Variants in ELL2 observed in about 807,000 individuals in gnomAD.
ELL2 encodes the protein elongation factor for RNA polymerase II 2, also known as RNA polymerase II elongation factor ELL2.
A neutral mutation model predicts 72.8 loss-of-function variants in ELL2; 21 were observed. The observed-to-expected ratio is 0.29, with a 90% CI of 0.20 to 0.42. The LOEUF (loss-of-function observed/expected upper bound fraction) is 0.42, where lower values mean the gene tolerates loss of function less well. ELL2 is among the 10% of genes least tolerant of loss of function. The pLI, the probability that ELL2 is intolerant of heterozygous loss-of-function variation, is 1.00. For synonymous variants in ELL2, 266 were observed against 283.2 expected, an observed-to-expected ratio of 0.94 and a Z score of 0.61; for missense variants, 568 against 772.8, an observed-to-expected ratio of 0.73 and a Z score of 3.14.
rs539470548 is a variant in ELL2 at position 95,895,428 on chromosome 5, G to C, written c.1589+200C>G. On this transcript the variant is annotated intron_variant, in intron 9 of 11. Transcript: ENST00000237853. ...AAGGCCAACGAATACAGCTCAGAGC[G>C]GGGGGAGGCACAACCTGCTCATGCA... Among the ~76,000 whole-genome samples the C allele has an allele frequency of 1.7e-4, 26 of 152,250 alleles. No homozygotes were observed. In the East Asian group the frequency reaches 2.5e-3, roughly 15 times the overall value.
intron 2 of ELL2, among the ~76,000 whole-genome samples, chr5:95,929,291 C>T (rs1168551076): frequency 6.6e-6 from 1 of 150,676 alleles, no homozygotes; most frequent in Non-Finnish European, 1.5e-5. Context: ...CAGAGTCTCG[C>T]TCTGTCGCCC....
chr5:95,900,636 C>T (rs532212323), intron 7 of ELL2, 57 bp downstream of exon 7: 1 of 1,279,762 alleles, frequency 7.8e-7, no homozygotes, highest in African/African-American at 1.5e-5. Flanking sequence ...ATCAGAGGAC[C>T]TGATTAGAGG....
At chr5:95,937,882 T>A (rs1037561261) in intron 2 of ELL2, among the ~76,000 whole-genome samples, 1 of 152,070 alleles carries the variant, frequency 6.6e-6, no homozygotes, top group African/African-American at 2.4e-5. Context: ...AGGGAAGGCA[T>A]ATTATCTAAG....
intron 2 of ELL2, among the ~76,000 whole-genome samples, chr5:95,920,932 TG>T (rs1750051341): frequency 6.6e-6 from 1 of 152,192 alleles, no homozygotes; most frequent in African/African-American, 2.4e-5. Context: ...ACTAACTTGC[TG>T]CTTAGCGTGT....
chr5:95,906,383 T>C, intron 5 of ELL2, 140 bp downstream of exon 5: 2 of 771,218 alleles, frequency 2.6e-6, no homozygotes, highest in Non-Finnish European at 1.9e-6. Flanking sequence ...ATTCAGGAGT[T>C]GTATTTCACA....
At chr5:95,889,013 A>T in intron 11 of ELL2, 26 bp from the exon 12 acceptor site, 1 of 1,557,234 alleles carries the variant, frequency 6.4e-7, no homozygotes, top group Non-Finnish European at 8.7e-7. Context: ...AAAAAAAAAA[A>T]AGAGGAATGA....
chr5:95,940,971 A>AG (rs1037608766), intron 2 of ELL2, among the ~76,000 whole-genome samples: 6 of 151,916 alleles, frequency 3.9e-5, no homozygotes, highest in Non-Finnish European at 5.9e-5. Context: ...TGCAAAAAGA[A>AG]GGGGGGGAGG....
chr5:95,923,012 A>C (rs971977473), intron 2 of ELL2, among the ~76,000 whole-genome samples: 1 of 152,204 alleles, frequency 6.6e-6, no homozygotes, highest in Non-Finnish European at 1.5e-5. Flanking sequence ...CATTCCCTCC[A>C]ATTACGCAGT....
At chr5:95,925,819 C>G (rs891355750) in intron 2 of ELL2, among the ~76,000 whole-genome samples, 1 of 152,142 alleles carries the variant, frequency 6.6e-6, no homozygotes, top group Non-Finnish European at 1.5e-5. Context: ...ACCTCCCCTC[C>G]GGCATCCCAG....
At chr5:95,914,601 C>G (rs973652436) in intron 3 of ELL2, among the ~76,000 whole-genome samples, 1 of 152,074 alleles carries the variant, frequency 6.6e-6, no homozygotes, top group Non-Finnish European at 1.5e-5. Flanking sequence ...TCCCTGTAAT[C>G]CCAACACTTT....
rs35628427 is a variant in ELL2, at chr5:95,903,208, CTTTTTTTTTTTTTTT to C, written c.742-2143_742-2129del. ...TCCTGGTTTCCGCCTCTCTTAGGAC[CTTTTTTTTTTTTTTT>C]TTTTTTTTTTTCCGAGACAGAGTCT... is the stretch of plus-strand genomic sequence containing the variant. On this transcript the variant is annotated intron_variant, in intron 5 of 11. Coordinates refer to ENST00000237853, the MANE Select transcript of ELL2 (RefSeq NM_012081.6). Among the ~76,000 whole-genome samples, 4 of 56,216 alleles carry C rather than the reference CTTTTTTTTTTTTTTT, an allele frequency of 7.1e-5. 1 individual carries two copies. Among genetic ancestry groups the C allele is most frequent in the African/African-American group, 1.5e-4 (2 of 13,748 alleles). The allele number at this position is 56,216 out of a possible 152,430, so 36.9% of individuals were successfully genotyped here. A position where few individuals can be genotyped will look rare whatever the true frequency, so the allele number is the denominator to read the frequency against.
chr5:95,899,626 T>C (rs143376674), intron 7 of ELL2, among the ~76,000 whole-genome samples: 3 of 152,338 alleles, frequency 2.0e-5, no homozygotes, highest in Non-Finnish European at 4.4e-5. Flanking sequence ...AGTTGAAAAC[T>C]ATAAAATATA....
At chr5:95,960,029 C>A (rs1751755746) in intron 1 of ELL2, among the ~76,000 whole-genome samples, 2 of 152,178 alleles carry the variant, frequency 1.3e-5, no homozygotes, top group Admixed American at 6.5e-5. Flanking sequence ...GTTCACACCT[C>A]TCCTGCCGCT....
In ELL2 at chr5:95,886,712, C is replaced by T. The variant is rs1011010658; in HGVS notation, c.*2159G>A. The T allele has an allele frequency of 2.7e-5, 4 of 149,218 alleles. No individual in the cohort carries two copies. Among genetic ancestry groups the T allele is most frequent in the African/African-American group, 9.9e-5 (4 of 40,514 alleles). The allele number at this position is 149,218 out of a possible 1,614,324, so 9.2% of individuals were successfully genotyped here. ...CTTCAGTTCAAGATTTCAAGATTTACAGACCTAAAAGTTTAGAACTACATC... is the reference window on the plus strand; with the variant it reads ...CTTCAGTTCAAGATTTCAAGATTTATAGACCTAAAAGTTTAGAACTACATC... On this transcript the variant is annotated 3_prime_UTR_variant, in exon 12 of 12. Coordinates refer to ENST00000237853, the MANE Select transcript of ELL2 (RefSeq NM_012081.6).
intron 5 of ELL2, among the ~76,000 whole-genome samples, chr5:95,904,741 C>T (rs1241011341): frequency 1.3e-5 from 2 of 152,116 alleles, no homozygotes; most frequent in Non-Finnish European, 2.9e-5. Flanking sequence ...CTTCTTTTCT[C>T]TGGTGCCTAC....
chr5:95,942,467 T>C (rs1005160085), intron 2 of ELL2, among the ~76,000 whole-genome samples: 8 of 152,298 alleles, frequency 5.3e-5, no homozygotes, highest in Non-Finnish European at 1.0e-4. Context: ...CATAAGTCCA[T>C]TTTATTAGGC....
Position 95,888,997 on chromosome 5 carries a change from A to G in ELL2, c.1807-10T>C, listed in dbSNP as rs1226367518. 35 of 177,970 alleles carry G rather than the reference A, an allele frequency of 2.0e-4. No homozygotes were observed. The highest frequency in any genetic ancestry group is 3.1e-4 in the Non-Finnish European group (34 of 110,544). The allele number at this position is 177,970 out of a possible 1,614,324, so 11.0% of individuals were successfully genotyped here. A position where few individuals can be genotyped will look rare whatever the true frequency, so the allele number is the denominator to read the frequency against. Reference sequence around the variant, plus strand: ...GGTAATTGGGACTAGACTGCAGATGAAAAAAAAAAAAAAAAAAGAGGAATG... The same window carrying G: ...GGTAATTGGGACTAGACTGCAGATGGAAAAAAAAAAAAAAAAAGAGGAATG... On this transcript the variant is annotated splice_polypyrimidine_tract_variant and intron_variant, in intron 11 of 11. Coordinates refer to ENST00000237853, the MANE Select transcript of ELL2 (RefSeq NM_012081.6).
intron 9 of ELL2, 75 bp downstream of exon 9, chr5:95,895,553 G>A: frequency 7.1e-7 from 1 of 1,408,098 alleles, no homozygotes; most frequent in African/African-American, 1.4e-5. Flanking sequence ...TTTCTGATTT[G>A]CAAATTATGG....
At chr5:95,935,719 T>C (rs1300148165) in intron 2 of ELL2, among the ~76,000 whole-genome samples, 1 of 152,164 alleles carries the variant, frequency 6.6e-6, no homozygotes, top group Admixed American at 6.5e-5. Context: ...CACACCCATG[T>C]CTCCTGTCTC....
Sources: gnomAD v4.1 joint callset for allele counts (sites outside exome capture counted in the v4.1 genomes callset) on GRCh38, gnomAD v4.1.1 for gene constraint, MANE v1.5 for transcripts, NCBI Gene and HGNC (gene_info 2026-07-23, HGNC 2026-07-21) for gene names.